KCNIP4: variants seen among roughly 807,000 people sequenced by gnomAD.
The protein encoded by KCNIP4 is Kv channel-interacting protein 4.
A neutral mutation model predicts 34.0 loss-of-function variants in KCNIP4; 12 were observed. The ratio of observed to expected loss-of-function variants is 0.35; its 90% CI spans 0.23 to 0.57. The LOEUF is 0.57. Among genes scored for constraint, KCNIP4 ranks in the 20% least tolerant of loss-of-function variants. The pLI is 0.83. For synonymous variants in KCNIP4, 124 were observed against 102.2 expected, an observed-to-expected ratio of 1.21 and a Z score of -1.29; for missense variants, 238 against 311.7, an observed-to-expected ratio of 0.76 and a Z score of 1.78.
chr4:21,928,825 A>T (rs193203144), intron 1 of KCNIP4, among the ~76,000 whole-genome samples: 88 of 151,968 alleles, frequency 5.8e-4, no homozygotes, highest in African/African-American at 2.0e-3. Context: ...TTTATTCCCT[A>T]ATGTCCCCAA....
intron 1 of KCNIP4, among the ~76,000 whole-genome samples, chr4:21,136,388 T>A (rs556500822): frequency 6.6e-6 from 1 of 152,164 alleles, no homozygotes; most frequent in South Asian, 2.1e-4. Context: ...ACACGCACAA[T>A]CTTGCCTTTC....
intron 1 of KCNIP4, among the ~76,000 whole-genome samples, chr4:21,507,370 T>A (rs1394188980): frequency 1.3e-5 from 2 of 151,806 alleles, no homozygotes; most frequent in Admixed American, 6.6e-5. Context: ...GTTCAAGCAA[T>A]TCTCCTGCTT....
intron 3 of KCNIP4, among the ~76,000 whole-genome samples, chr4:20,847,338 A>G (rs1412895023): frequency 6.6e-6 from 1 of 152,180 alleles, no homozygotes; most frequent in African/African-American, 2.4e-5. Flanking sequence ...AGTGATTCTC[A>G]AAGTGTGGGC....
At chr4:21,047,235 T>C (rs1160493215) in intron 1 of KCNIP4, among the ~76,000 whole-genome samples, 2 of 152,208 alleles carry the variant, frequency 1.3e-5, no homozygotes, top group East Asian at 3.8e-4. Context: ...CTCTTCATGA[T>C]TTTTTTGGTC....
chr4:21,158,185 G>A (rs1753294751), intron 1 of KCNIP4, among the ~76,000 whole-genome samples: 1 of 152,224 alleles, frequency 6.6e-6, no homozygotes, highest in South Asian at 2.1e-4. Context: ...CACAAGGAAT[G>A]TTCTAGGCCC....
chr4:21,788,406 G>A (rs1048569558), intron 1 of KCNIP4, among the ~76,000 whole-genome samples: 1 of 152,184 alleles, frequency 6.6e-6, no homozygotes, highest in Non-Finnish European at 1.5e-5. Context: ...ATAAACAAAT[G>A]TTCTAATCAA....
intron 1 of KCNIP4, among the ~76,000 whole-genome samples, chr4:21,768,066 A>C (rs1718542117): frequency 6.6e-6 from 1 of 152,160 alleles, no homozygotes; most frequent in Non-Finnish European, 1.5e-5. Context: ...AGACATGGAT[A>C]TCAATCTCAG....
chr4:20,917,395 T>C (rs1728958151), intron 1 of KCNIP4, among the ~76,000 whole-genome samples: 1 of 152,030 alleles, frequency 6.6e-6, no homozygotes, highest in African/African-American at 2.4e-5. Context: ...CATGTAGTTA[T>C]TTAAATTTCT....
intron 2 of KCNIP4, among the ~76,000 whole-genome samples, chr4:20,856,454 T>C (rs1172696168): frequency 6.6e-6 from 1 of 152,230 alleles, no homozygotes; most frequent in African/African-American, 2.4e-5. Context: ...TCCCACACTC[T>C]GGTTCTTGTA....
intron 8 of KCNIP4, 25 bp downstream of exon 8, chr4:20,731,979 GAT>G: frequency 6.2e-7 from 1 of 1,612,172 alleles, no homozygotes; most frequent in Non-Finnish European, 8.5e-7. Flanking sequence ...TAGCTGAATT[GAT>G]AGTTATTACA....
intron 1 of KCNIP4, among the ~76,000 whole-genome samples, chr4:21,082,611 G>A (rs1746093828): frequency 6.6e-6 from 1 of 151,532 alleles, no homozygotes; most frequent in African/African-American, 2.4e-5. Flanking sequence ...GTCTGGGGCA[G>A]GAGGAAGAAG....
chr4:21,442,291 T>C (rs928499317), intron 1 of KCNIP4, among the ~76,000 whole-genome samples: 2 of 152,316 alleles, frequency 1.3e-5, no homozygotes, highest in East Asian at 1.9e-4. Context: ...TGGTTCATCA[T>C]GTTACCAAGC....
chr4:21,617,110 T>C (rs568799932), intron 1 of KCNIP4, among the ~76,000 whole-genome samples: 14 of 152,300 alleles, frequency 9.2e-5, no homozygotes, highest in African/African-American at 3.4e-4. Context: ...GCCTTGATAA[T>C]GAGTTTATAA....
chr4:20,756,406 T>C (rs535492591), intron 4 of KCNIP4, among the ~76,000 whole-genome samples: 1 of 152,260 alleles, frequency 6.6e-6, no homozygotes, highest in East Asian at 1.9e-4. Context: ...ATCTCTTTTC[T>C]TTTCTATCCT....
At position 21,461,103 on chromosome 4, in the gene KCNIP4, A is replaced by G. The variant is rs548414346; in HGVS notation, c.61+487468T>C. ...CATGTCAAATGAGGGGCCTGCTGGG[A>G]GGTGAATGAATCATGGAGGTGGTCT... is the stretch of plus-strand genomic sequence containing the variant. On this transcript the variant is annotated intron_variant, in intron 1 of 8. Transcript: ENST00000382152. Among the ~76,000 whole-genome samples, 298 of 152,092 alleles carry G rather than the reference A, an allele frequency of 2.0e-3. 1 individual carries two copies. The highest frequency in any genetic ancestry group is 3.5e-3 in the Non-Finnish European group (241 of 68,004).
At chr4:21,851,230 C>G (rs565813113) in intron 1 of KCNIP4, 18 of 152,214 alleles carry the variant, frequency 1.2e-4, no homozygotes, top group African/African-American at 4.3e-4. Flanking sequence ...CTCAGGAAGG[C>G]ATTCAAATCC....
At chr4:21,779,270 G>A (rs114373224) in intron 1 of KCNIP4, among the ~76,000 whole-genome samples, 4,932 of 152,118 alleles carry the variant, frequency 0.032, 268 homozygotes, top group African/African-American at 0.11. Context: ...CACAAAACAG[G>A]GCGGCAAGGA....
rs114760444 is a variant in KCNIP4 at position 21,712,013 on chromosome 4, G to A, written c.61+236558C>T. Among the ~76,000 whole-genome samples, 1,007 of 152,168 alleles carry A rather than the reference G, an allele frequency of 6.6e-3. 12 individuals carry two copies. The highest frequency in any genetic ancestry group is 0.023 in the African/African-American group (949 of 41,516). Reference sequence around the variant, plus strand: ...CCATTCTTTGCCTGACCCCAAACCTGTGCTCTAAAGCATTGTGGAACATCA... The same window carrying A: ...CCATTCTTTGCCTGACCCCAAACCTATGCTCTAAAGCATTGTGGAACATCA... On this transcript the variant is annotated intron_variant, in intron 1 of 8. Transcript: ENST00000382152.
intron 1 of KCNIP4, among the ~76,000 whole-genome samples, chr4:21,786,723 A>G (rs927498308): frequency 1.3e-5 from 2 of 151,872 alleles, no homozygotes; most frequent in Admixed American, 1.3e-4. Context: ...ACCCGCCACC[A>G]TGCCCGGCTA....
Sources: gnomAD v4.1 joint callset for allele counts (sites outside exome capture counted in the v4.1 genomes callset) on GRCh38, gnomAD v4.1.1 for gene constraint, MANE v1.5 for transcripts, NCBI Gene and HGNC (gene_info 2026-07-23, HGNC 2026-07-21) for gene names.